BBS9: variants seen among roughly 807,000 people sequenced by gnomAD.
BBS9 encodes protein PTHB1.
BBS9 carries 89 observed loss-of-function variants against 117.7 expected under a neutral mutation model. That is an observed-to-expected ratio of 0.76 (90% CI 0.64 to 0.90). The LOEUF (loss-of-function observed/expected upper bound fraction) is 0.90. Ranked by LOEUF, BBS9 falls within the 40% of genes least tolerant of loss-of-function variation. The pLI, the probability that BBS9 is intolerant of heterozygous loss-of-function variation, is 0.00. For synonymous variants in BBS9, 379 were observed against 370.9 expected, an observed-to-expected ratio of 1.02 and a Z score of -0.25; for missense variants, 982 against 1,042.2, an observed-to-expected ratio of 0.94 and a Z score of 0.80.
intron 15 of BBS9, among the ~76,000 whole-genome samples, chr7:33,357,563 A>G (rs1657564458): frequency 1.3e-5 from 2 of 151,782 alleles, no homozygotes; most frequent in African/African-American, 4.8e-5. Context: ...GTAAGTGACT[A>G]TAATGTTTTA....
chr7:33,505,633 C>T lies in BBS9; in HGVS notation c.2286C>T (p.Asp762=), dbSNP rs1374222732. The T allele has an allele frequency of 6.2e-7, 1 of 1,613,598 alleles. No homozygotes were observed. The highest frequency in any genetic ancestry group is 8.5e-7 in the Non-Finnish European group (1 of 1,179,942). The change falls in exon 20 of 23, where the codon GAC becomes GAT. Residue 762 remains aspartate, a synonymous_variant. Transcript: ENST00000242067. Reference sequence around the variant, plus strand: ...CGGCATTTCTGCCGCTACAAGAAGACACTCAAGAATTGGTAAGGACCTGAA... The same window carrying T: ...CGGCATTTCTGCCGCTACAAGAAGATACTCAAGAATTGGTAAGGACCTGAA... The part of the protein sequence containing the change: ...LEAAFLPLQE[D]TQELGWEETV...
At chr7:33,555,535 A>G (rs931094306) in intron 21 of BBS9, among the ~76,000 whole-genome samples, 1 of 152,194 alleles carries the variant, frequency 6.6e-6, no homozygotes, top group African/African-American at 2.4e-5. Context: ...AGCAAGCGTG[A>G]TGAAGAGGAG....
chr7:33,566,655 A>G (rs901759491), intron 21 of BBS9, among the ~76,000 whole-genome samples: 1 of 152,124 alleles, frequency 6.6e-6, no homozygotes, highest in Non-Finnish European at 1.5e-5. Context: ...TTATTATCAG[A>G]ATGCTACCTT....
chr7:33,235,808 C>G (rs960749384), intron 5 of BBS9, among the ~76,000 whole-genome samples: 9 of 152,262 alleles, frequency 5.9e-5, no homozygotes, highest in Non-Finnish European at 1.3e-4. Context: ...GACTCTTAAT[C>G]ACCTTTACCA....
intron 17 of BBS9, among the ~76,000 whole-genome samples, chr7:33,379,619 T>C (rs1824573344): frequency 6.6e-6 from 1 of 152,204 alleles, no homozygotes; most frequent in African/African-American, 2.4e-5. Context: ...CATATTTTAT[T>C]AAAGATAGTT....
rs535297938 is a variant in BBS9, at chr7:33,212,782, C to A, written c.442+35191C>A. Among the ~76,000 whole-genome samples, 3 of 152,308 alleles carry A rather than the reference C, an allele frequency of 2.0e-5. No individual in the cohort carries two copies. The East Asian group carries it at 5.8e-4, about 29-fold the overall frequency. On this transcript the variant is annotated intron_variant, in intron 5 of 22. Transcript: ENST00000242067. ...CTGGTAGAGGTACGGCCTTGGTAGC[C>A]TTCGATAATATCTGGAGGAATTCTC...
intron 21 of BBS9, among the ~76,000 whole-genome samples, chr7:33,621,172 T>C (rs11975050): frequency 0.14 from 21,819 of 152,124 alleles, 2,833 homozygotes; most frequent in African/African-American, 0.33. Context: ...TATTTGGACA[T>C]GACCACAACA....
chr7:33,514,886 T>C (rs77353219), intron 20 of BBS9, among the ~76,000 whole-genome samples: 445 of 152,304 alleles, frequency 2.9e-3, no homozygotes, highest in African/African-American at 0.01. Context: ...AAAACTGCAT[T>C]AGATGCATGA....
chr7:33,414,969 T>C (rs1831746666), intron 19 of BBS9, among the ~76,000 whole-genome samples: 1 of 152,164 alleles, frequency 6.6e-6, no homozygotes, highest in Non-Finnish European at 1.5e-5. Context: ...AACTTCAAAT[T>C]GAAGCCTAAT....
intron 17 of BBS9, among the ~76,000 whole-genome samples, chr7:33,377,615 T>C (rs985311124): frequency 6.6e-6 from 1 of 152,232 alleles, no homozygotes; most frequent in Non-Finnish European, 1.5e-5. Flanking sequence ...TTGGGTAGTA[T>C]GGCCATTTCG....
intron 19 of BBS9, among the ~76,000 whole-genome samples, chr7:33,454,256 A>G (rs1406823859): frequency 6.6e-6 from 1 of 152,246 alleles, no homozygotes; most frequent in Non-Finnish European, 1.5e-5. Context: ...GTATGAGTTC[A>G]TATAACTGCA....
chr7:33,181,391 C>T (rs79504480), intron 5 of BBS9, among the ~76,000 whole-genome samples: 2,203 of 152,204 alleles, frequency 0.014, 57 homozygotes, highest in African/African-American at 0.05. Context: ...GGCACCATGC[C>T]CAGCCAAATC....
At chr7:33,177,365 C>G (rs895945972) in intron 4 of BBS9, 113 bp from the exon 5 acceptor site, 1 of 743,410 alleles carries the variant, frequency 1.3e-6, no homozygotes, top group Admixed American at 2.0e-5. Flanking sequence ...TATTTTAGTG[C>G]TTTGCCATTA....
chr7:33,193,859 G>A (rs148887664), intron 5 of BBS9, among the ~76,000 whole-genome samples: 197 of 152,240 alleles, frequency 1.3e-3, no homozygotes, highest in African/African-American at 4.6e-3. Flanking sequence ...CTATTCATCA[G>A]TTTTCCTTGA....
intron 21 of BBS9, among the ~76,000 whole-genome samples, chr7:33,565,797 A>ACTGC (rs201630863): frequency 7.2e-5 from 3 of 41,488 alleles, no homozygotes; most frequent in African/African-American, 2.2e-4. Context: ...ATATATATAT[A>ACTGC]TATATATATA....
At chr7:33,170,706 A>G (rs868549241) in intron 4 of BBS9, among the ~76,000 whole-genome samples, 195 of 148,816 alleles carry the variant, frequency 1.3e-3, no homozygotes, top group African/African-American at 4.5e-3. Flanking sequence ...AGAAAACCCC[A>G]TTGTCTCAGC....
intron 2 of BBS9, 141 bp from the exon 3 acceptor site, chr7:33,152,560 C>T: frequency 1.4e-6 from 1 of 734,132 alleles, no homozygotes; most frequent in Non-Finnish European, 2.2e-6. Context: ...CCTTTTTTGA[C>T]AGAGTGGCCT....
At chr7:33,311,406 T>C (rs148847188) in intron 9 of BBS9, among the ~76,000 whole-genome samples, 6 of 152,326 alleles carry the variant, frequency 3.9e-5, no homozygotes, top group African/African-American at 1.4e-4. Flanking sequence ...TGTCACTACC[T>C]TTTTTACTAT....
intron 19 of BBS9, among the ~76,000 whole-genome samples, chr7:33,411,011 G>GTTTTGTTTTTTTTTTTTTTTTTTTTTT (rs1831033488): frequency 1.0e-5 from 1 of 96,424 alleles, no homozygotes; most frequent in African/African-American, 3.4e-5. Context: ...AAATGTTGGT[G>GTTTTGTTTTTTTTTTTTTTTTTTTTTT]TTTTTTTTTT....
Sources: allele counts gnomAD v4.1 joint callset (sites outside exome capture counted in the v4.1 genomes callset), GRCh38; gene constraint gnomAD v4.1.1; transcripts MANE v1.5; gene names NCBI Gene and HGNC (gene_info 2026-07-23, HGNC 2026-07-21).